Variants in AGBL4 observed in about 807,000 individuals in gnomAD.
AGBL4 encodes the protein AGBL carboxypeptidase 4, also known as cytosolic carboxypeptidase 6.
In AGBL4, 58 loss-of-function variants were observed where a neutral mutation model predicts 66.4. The observed-to-expected ratio is 0.87, with a 90% confidence interval of 0.71 to 1.09. The LOEUF (loss-of-function observed/expected upper bound fraction) is 1.09, where lower values mean the gene tolerates loss of function less well. AGBL4 is among the 50% of genes least tolerant of loss of function. The pLI, the probability that AGBL4 is intolerant of heterozygous loss-of-function variation, is 0.00. For missense variants in AGBL4, 579 were observed against 631.0 expected (o/e 0.92, Z 0.88); for synonymous variants, 234 against 222.9 (o/e 1.05, Z -0.44).
At chr1:49,204,414 A>G (rs354165) in intron 4 of AGBL4, among the ~76,000 whole-genome samples, 141,080 of 151,756 alleles carry the variant, frequency 0.93, 65,683 homozygotes, top group South Asian at 0.95. Flanking sequence ...GGGACTATAC[A>G]CATGCAGCAC....
chr1:49,395,764 C>CATGTGTATATATGTATATATAT (rs1440902511), intron 3 of AGBL4, among the ~76,000 whole-genome samples: 18 of 133,342 alleles, frequency 1.3e-4, no homozygotes, highest in Admixed American at 5.3e-4. Context: ...TATATATATA[C>CATGTGTATATATGTATATATAT]ACATATATAT....
chr1:49,639,520 G>A (rs1336204459), intron 3 of AGBL4, among the ~76,000 whole-genome samples: 1 of 152,140 alleles, frequency 6.6e-6, no homozygotes, highest in African/African-American at 2.4e-5. Context: ...TTTGCCCAAG[G>A]CCATATAGTT....
intron 1 of AGBL4, among the ~76,000 whole-genome samples, chr1:49,991,512 C>A (rs1389298329): frequency 6.6e-6 from 1 of 152,126 alleles, no homozygotes; most frequent in Non-Finnish European, 1.5e-5. Flanking sequence ...ATCCAACTTA[C>A]TTTAGACAAT....
At chr1:48,851,545 C>T (rs750634493) in intron 6 of AGBL4, among the ~76,000 whole-genome samples, 33 of 152,178 alleles carry the variant, frequency 2.2e-4, no homozygotes, top group Non-Finnish European at 3.8e-4. Context: ...ACCTGACAAA[C>T]TCATTAAATG....
intron 5 of AGBL4, among the ~76,000 whole-genome samples, chr1:48,975,281 A>G (rs1336637631): frequency 1.3e-5 from 2 of 152,154 alleles, no homozygotes; most frequent in African/African-American, 4.8e-5. Flanking sequence ...TTGTTCTTCT[A>G]TTGAATAATC....
intron 3 of AGBL4, among the ~76,000 whole-genome samples, chr1:49,398,220 T>A (rs1180626250): frequency 6.6e-6 from 1 of 152,112 alleles, no homozygotes; most frequent in Non-Finnish European, 1.5e-5. Context: ...GTAGACTGAG[T>A]AAAGATGTTC....
intron 3 of AGBL4, among the ~76,000 whole-genome samples, chr1:49,257,184 C>T (rs1310266151): frequency 2.0e-5 from 3 of 151,980 alleles, no homozygotes; most frequent in African/African-American, 4.8e-5. Flanking sequence ...AAAATAGAAC[C>T]ACTGCTCTCT....
At chr1:49,347,408 C>T (rs1645655137) in intron 3 of AGBL4, among the ~76,000 whole-genome samples, 3 of 151,772 alleles carry the variant, frequency 2.0e-5, no homozygotes, top group African/African-American at 2.4e-5. Flanking sequence ...CACAACACCA[C>T]GCCCAGCTAA....
intron 9 of AGBL4, among the ~76,000 whole-genome samples, chr1:48,606,015 C>T (rs539487761): frequency 3.3e-5 from 5 of 152,236 alleles, no homozygotes; most frequent in South Asian, 2.1e-4. Context: ...CGTAAAACCC[C>T]GCATTGCAGA....
At chr1:49,128,749 A>G (rs147412828) in intron 4 of AGBL4, among the ~76,000 whole-genome samples, 89 of 152,204 alleles carry the variant, frequency 5.8e-4, no homozygotes, top group African/African-American at 2.0e-3. Context: ...TAAAAAAGCT[A>G]AACTGTAAAA....
At chr1:49,699,929 A>G (rs921097719) in intron 2 of AGBL4, among the ~76,000 whole-genome samples, 15 of 151,936 alleles carry the variant, frequency 9.9e-5, no homozygotes, top group Non-Finnish European at 2.1e-4. Context: ...AAAGTTAACT[A>G]TATGAGATAA....
intron 3 of AGBL4, among the ~76,000 whole-genome samples, chr1:49,298,815 C>A (rs1644690586): frequency 6.6e-6 from 1 of 152,182 alleles, no homozygotes; most frequent in African/African-American, 2.4e-5. Flanking sequence ...GAGAAACTTT[C>A]TTTGAATCAT....
intron 1 of AGBL4, among the ~76,000 whole-genome samples, chr1:49,980,554 C>A (rs900242379): frequency 1.3e-5 from 2 of 152,152 alleles, no homozygotes; most frequent in Admixed American, 6.5e-5. Context: ...TTTCACTTAT[C>A]ATAATGTCCT....
chr1:49,733,472 A>G (rs1363131397), intron 2 of AGBL4, among the ~76,000 whole-genome samples: 3 of 152,198 alleles, frequency 2.0e-5, no homozygotes, highest in Non-Finnish European at 4.4e-5. Context: ...TGTTTATAAC[A>G]AATTATCACA....
chr1:48,745,505 T>C (rs1650597659), intron 6 of AGBL4, among the ~76,000 whole-genome samples: 1 of 152,150 alleles, frequency 6.6e-6, no homozygotes, highest in African/African-American at 2.4e-5. Flanking sequence ...TCCCCTCCCA[T>C]AGTCAGACTC....
chr1:48,783,667 TG>T (rs1231898065), intron 6 of AGBL4, among the ~76,000 whole-genome samples: 1 of 152,312 alleles, frequency 6.6e-6, no homozygotes, highest in African/African-American at 2.4e-5. Context: ...CCACCCTTTC[TG>T]TGTATAAGGA....
intron 2 of AGBL4, among the ~76,000 whole-genome samples, chr1:49,839,230 A>G (rs1395285808): frequency 6.6e-6 from 1 of 152,232 alleles, no homozygotes; most frequent in Non-Finnish European, 1.5e-5. Flanking sequence ...CAGTAATCTT[A>G]TAAACAAATT....
chr1:49,441,782 A>T (rs1206838815), intron 3 of AGBL4, among the ~76,000 whole-genome samples: 1 of 152,206 alleles, frequency 6.6e-6, no homozygotes, highest in African/African-American at 2.4e-5. Flanking sequence ...GCAGAGAAGG[A>T]TTTTAATAAT....
intron 4 of AGBL4, among the ~76,000 whole-genome samples, chr1:49,128,645 A>G (rs966842543): frequency 6.6e-6 from 1 of 152,096 alleles, no homozygotes; most frequent in Non-Finnish European, 1.5e-5. Flanking sequence ...CGATGATGCT[A>G]GAACAACTGG....
Sources: allele counts gnomAD v4.1 joint callset (sites outside exome capture counted in the v4.1 genomes callset), GRCh38; gene constraint gnomAD v4.1.1; transcripts MANE v1.5; gene names NCBI Gene and HGNC (gene_info 2026-07-23, HGNC 2026-07-21).